MGAM: variants seen among roughly 807,000 people sequenced by gnomAD.
MGAM encodes alpha-1,4-glucosidase.
In MGAM, 253 loss-of-function variants were observed where a neutral mutation model predicts 358.8. That is an observed-to-expected ratio of 0.71 (90% CI 0.64 to 0.78). The LOEUF (loss-of-function observed/expected upper bound fraction) is 0.78, where lower values mean the gene tolerates loss of function less well. MGAM is among the 30% of genes least tolerant of loss of function. The probability of loss-of-function intolerance (pLI) is 0.00; values close to 1 mark genes in which losing one functional copy is unlikely to be tolerated. For synonymous variants in MGAM, 1,105 were observed against 1,227.1 expected, an observed-to-expected ratio of 0.90 and a Z score of 2.08; for missense variants, 3,080 against 3,432.6, an observed-to-expected ratio of 0.90 and a Z score of 2.57.
chr7:142,001,692 G>C (rs1289309096), intron 1 of MGAM, among the ~76,000 whole-genome samples: 1 of 152,048 alleles, frequency 6.6e-6, no homozygotes, highest in Admixed American at 6.5e-5. Flanking sequence ...ACTTAATGAA[G>C]GTCATACCAG....
intron 4 of MGAM, among the ~76,000 whole-genome samples, chr7:142,020,325 G>A (rs1806323773): frequency 6.6e-6 from 1 of 150,622 alleles, no homozygotes; most frequent in East Asian, 1.9e-4. Flanking sequence ...TTATGTATAT[G>A]TATGTCAGGT....
Position 142,035,257 on chromosome 7 carries a change from A to G in MGAM, c.1959+416A>G, listed in dbSNP as rs76966325. ...CAACATATTTATGAATTGAACTCCT[A>G]GAGTGTTCAAGGTCTTGAGCAGAGT... is the stretch of plus-strand genomic sequence containing the variant. On this transcript the variant is annotated intron_variant, in intron 16 of 70. Transcript: ENST00000475668. Among the ~76,000 whole-genome samples, 11 of 152,236 alleles carry G rather than the reference A, an allele frequency of 7.2e-5. No homozygotes were observed. The East Asian group carries it at 2.1e-3, about 29-fold the overall frequency.
intron 7 of MGAM, 38 bp downstream of exon 7, chr7:142,022,477 T>C: frequency 6.3e-7 from 1 of 1,590,344 alleles, no homozygotes; most frequent in Non-Finnish European, 8.6e-7. Flanking sequence ...CTGAATATCA[T>C]AGTCTCATTC....
rs192668493 is a variant in MGAM, at chr7:142,045,858, T to C, written c.2499-1927T>C. Among the ~76,000 whole-genome samples, 58 of 115,794 alleles carry C rather than the reference T, an allele frequency of 5.0e-4. 3 individuals are homozygous for C. The highest frequency in any genetic ancestry group is 2.3e-3 in the African/African-American group (57 of 25,132). 76.0% of individuals were successfully genotyped at this position (115,794 alleles called of 152,430 possible). A position where few individuals can be genotyped will look rare whatever the true frequency, so the allele number is the denominator to read the frequency against. The stretch of plus-strand genomic sequence containing the variant: ...ATATACATACAATATGTAATATATA[T>C]ATTATATATACATACAATATGTAAT... On this transcript the variant is annotated intron_variant, in intron 21 of 70. Coordinates refer to ENST00000475668, the MANE Select transcript of MGAM (RefSeq NM_001365693.1).
intron 19 of MGAM, 123 bp downstream of exon 19, chr7:142,038,738 GA>G: frequency 3.1e-6 from 2 of 650,392 alleles, no homozygotes; most frequent in Non-Finnish European, 5.0e-6. Flanking sequence ...GCCTTGAAGA[GA>G]GTGTGCTAGG....
At chr7:142,054,667 T>C in intron 26 of MGAM, 87 bp from the exon 27 acceptor site, 1 of 1,408,940 alleles carries the variant, frequency 7.1e-7, no homozygotes. Context: ...GCATCTGAAC[T>C]TTGTGTCCAA....
chr7:142,060,194 T>G, intron 33 of MGAM, 117 bp from the exon 34 acceptor site: 1 of 1,410,722 alleles, frequency 7.1e-7, no homozygotes, highest in Non-Finnish European at 9.9e-7. Context: ...GTCAATCCTA[T>G]GTGATAGTCA....
rs1554463224 is a variant in MGAM at position 142,030,749 on chromosome 7, A to T, written c.1462A>T (p.Ile488Phe). 19 of 1,601,248 alleles carry T rather than the reference A, an allele frequency of 1.2e-5. No homozygotes were observed. The Admixed American group carries it at 3.2e-4, about 27-fold the overall frequency. ...VNSSDGVTPL[I>F]GEVWPGQTVF... ...TAGTTCAGATGGAGTGACTCCACTC[A>T]TTGGGGAGGTAACTTAATGGGAAGG... Residue 488 changes from isoleucine to phenylalanine, a missense_variant, in exon 12 of 71, where the codon ATT (isoleucine) becomes TTT (phenylalanine). Coordinates refer to ENST00000475668, the MANE Select transcript of MGAM (RefSeq NM_001365693.1).
intron 30 of MGAM, among the ~76,000 whole-genome samples, chr7:142,057,689 T>C (rs1811696635): frequency 6.6e-6 from 1 of 151,894 alleles, no homozygotes; most frequent in African/African-American, 2.4e-5. Flanking sequence ...ACCATGGTGG[T>C]CGTGGCAGCA....
Position 142,036,856 on chromosome 7 carries a change from C to T in MGAM, c.2110C>T (p.Leu704=), listed in dbSNP as rs1157978062. The T allele has an allele frequency of 6.8e-6, 11 of 1,613,498 alleles. No individual in the cohort carries two copies. The highest frequency in any genetic ancestry group is 1.3e-5 in the African/African-American group (1 of 74,914). The change falls in exon 18 of 71, where the codon CTG becomes TTG. Residue 704 remains leucine, a synonymous_variant. Transcript: ENST00000475668. ...TCCTGCCTCCTTTGGAGCTGACTCC[C>T]TGCTGTTGAATTCCTCCAGGCACTA... ...QDPASFGADS[L]LLNSSRHYLN... is the part of the protein sequence containing the mutation.
intron 21 of MGAM, among the ~76,000 whole-genome samples, chr7:142,042,860 TATA>T (rs1284419054): frequency 7.7e-5 from 4 of 52,240 alleles, no homozygotes; most frequent in South Asian, 8.9e-4. Context: ...AATATCTAAA[TATA>T]ATATCTACAT....
At chr7:142,019,431 T>G in intron 4 of MGAM, 112 bp downstream of exon 4, 3 of 1,152,224 alleles carry the variant, frequency 2.6e-6, no homozygotes, top group Non-Finnish European at 3.6e-6. Flanking sequence ...TAACCACATG[T>G]GACAGAAGGT....
chr7:142,043,969 T>C, intron 21 of MGAM, among the ~76,000 whole-genome samples: 1 of 118,524 alleles, frequency 8.4e-6, no homozygotes, highest in South Asian at 2.4e-4. Flanking sequence ...TATATACACA[T>C]ACGACGTATA....
chr7:142,078,952 G>A lies in MGAM; in HGVS notation c.5791G>A (p.Val1931Met), dbSNP rs750661704. 27 of 1,555,414 alleles carry A rather than the reference G, an allele frequency of 1.7e-5. 3 individuals are homozygous for A. Among genetic ancestry groups the A allele is most frequent in the Middle Eastern group, 3.3e-4 (2 of 5,978 alleles). The change falls in exon 49 of 71, where the codon GTG becomes ATG. Residue 1931 changes from valine (V) to methionine (M), a missense_variant. Coordinates refer to ENST00000475668, the MANE Select transcript of MGAM (RefSeq NM_001365693.1). ...TGCCAATGCCTTCCCTTCCACACCC[G>A]TGAACCCCCTTCGCCTGGATGTCAC... ...VHANAFPSTP[V>M]NPLRLDVTYH...
intron 6 of MGAM, 109 bp from the exon 7 acceptor site, chr7:142,022,159 A>G (rs1172155034): frequency 4.8e-6 from 5 of 1,037,760 alleles, no homozygotes; most frequent in Non-Finnish European, 5.6e-6. Context: ...ATGGGACTGA[A>G]TGAATGGGGG....
rs1003894181 is a variant in MGAM, at chr7:142,039,294, G to A, written c.2316+679G>A. On this transcript the variant is annotated intron_variant, in intron 19 of 70. Transcript: ENST00000475668. ...CTAATTTTGTATTTTTTGTAGAGAC[G>A]GGGTTTCATGTTAGCCAGGCTGGTC... is the stretch of plus-strand genomic sequence containing the variant. 4.6e-5 allele frequency among the ~76,000 whole-genome samples: 7 copies of A among 151,584 alleles called. No individual in the cohort carries two copies. In the South Asian group the frequency reaches 8.3e-4, roughly 18 times the overall value.
intron 14 of MGAM, among the ~76,000 whole-genome samples, chr7:142,033,967 T>G (rs1448819225): frequency 2.0e-5 from 3 of 152,232 alleles, no homozygotes; most frequent in Non-Finnish European, 4.4e-5. Context: ...CTTAGCTCAG[T>G]TTGGAGAATT....
In MGAM at chr7:142,082,087, C is replaced by T. The variant is rs1279873742; in HGVS notation, c.6048C>T (p.Ile2016=). The T allele has an allele frequency of 1.3e-6, 2 of 1,555,956 alleles. 1 individual carries two copies. Among genetic ancestry groups the T allele is most frequent in the Non-Finnish European group, 1.8e-6 (2 of 1,132,456 alleles). ...GCTTCACCTTCAATGACATGTTTAT[C>T]CGCATCTCCACCCGCCTTCCCTCCA... ...LLGFTFNDMF[I]RISTRLPSKY... Residue 2016 remains isoleucine, a synonymous_variant, in exon 51 of 71, where the codon ATC becomes ATT. Transcript: ENST00000475668.
In MGAM at chr7:142,043,566, A is replaced by G. The variant is rs1424353589; in HGVS notation, c.2498+2720A>G. 2.3e-4 allele frequency among the ~76,000 whole-genome samples: 21 copies of G among 91,934 alleles called. 8 individuals are homozygous for G. The highest frequency in any genetic ancestry group is 4.1e-4 in the Non-Finnish European group (20 of 49,140). 60.3% of individuals were successfully genotyped at this position (91,934 alleles called of 152,430 possible). On this transcript the variant is annotated intron_variant, in intron 21 of 70. Transcript: ENST00000475668. Reference sequence around the variant, plus strand: ...AGATATATCTAAATATATATATTATATATACATATGATATCTAAATATATA... The same window carrying G: ...AGATATATCTAAATATATATATTATGTATACATATGATATCTAAATATATA...
Sources: gnomAD v4.1 joint callset for allele counts (sites outside exome capture counted in the v4.1 genomes callset) on GRCh38, gnomAD v4.1.1 for gene constraint, MANE v1.5 for transcripts, NCBI Gene and HGNC (gene_info 2026-07-23, HGNC 2026-07-21) for gene names.